RTEL1: variants seen among roughly 807,000 people sequenced by gnomAD.
RTEL1 encodes regulator of telomere elongation helicase 1.
Under a neutral mutation model 162.2 loss-of-function variants are expected in RTEL1, and 86 were observed. The observed-to-expected ratio is 0.53, with a 90% CI of 0.45 to 0.63. The LOEUF (loss-of-function observed/expected upper bound fraction) is 0.63, where lower values mean the gene tolerates loss of function less well. Among genes scored for constraint, RTEL1 ranks in the 30% least tolerant of loss-of-function variants. The probability of loss-of-function intolerance (pLI) is 0.00; values close to 1 mark genes in which losing one functional copy is unlikely to be tolerated. For missense variants in RTEL1, 1,941 were observed against 1,750.2 expected (o/e 1.11, Z -1.95); for synonymous variants, 958 against 717.9 (o/e 1.33, Z -5.35).
rs1041143095 is a variant in RTEL1 at position 63,681,380 on chromosome 20, T to C, written c.1191+661T>C. 3.0e-6 allele frequency: 3 copies of C among 985,010 alleles called. No homozygotes were observed. The Admixed American group carries it at 1.8e-4, about 61-fold the overall frequency. The allele number at this position is 985,010 out of a possible 1,614,324, so 61.0% of individuals were successfully genotyped here. ...CTCGGTGGCTTTTTTAGAAGCAGACTCAGAAGTCCCTGACTGGGGAAGCCA... is the reference window on the plus strand; with the variant it reads ...CTCGGTGGCTTTTTTAGAAGCAGACCCAGAAGTCCCTGACTGGGGAAGCCA... On this transcript the variant is annotated intron_variant, in intron 14 of 34. Coordinates refer to ENST00000360203, the MANE Select transcript of RTEL1 (RefSeq NM_001283009.2).
intron 14 of RTEL1, among the ~76,000 whole-genome samples, chr20:63,685,182 T>C (rs2090564225): frequency 6.6e-6 from 1 of 151,876 alleles, no homozygotes. Context: ...GCCACTGCAC[T>C]AGGCCATGTT....
intron 18 of RTEL1, 39 bp downstream of exon 18, chr20:63,688,089 G>A: frequency 6.2e-7 from 1 of 1,611,942 alleles, no homozygotes. Flanking sequence ...GGTGGGAGGT[G>A]GGGGAGCACT....
At chr20:63,693,405 A>G (rs1334837989) in intron 30 of RTEL1, 122 bp downstream of exon 30, 6 of 1,162,268 alleles carry the variant, frequency 5.2e-6, no homozygotes, top group Middle Eastern at 2.9e-4. Context: ...CTGTTCCCCT[A>G]TGGGAGTGAT....
At position 63,694,737 on chromosome 20, in the gene RTEL1, C is replaced by G. The variant is rs1417877726; in HGVS notation, c.3110-4C>G. The G allele has an allele frequency of 1.3e-6, 2 of 1,597,284 alleles. No individual in the cohort carries two copies. Among genetic ancestry groups the G allele is most frequent in the African/African-American group, 1.3e-5 (1 of 74,524 alleles). On this transcript the variant is annotated splice_region_variant and splice_polypyrimidine_tract_variant and intron_variant, in intron 31 of 34. Transcript: ENST00000360203. ...CACTCTGAGCCATGCTACTCCCACA[C>G]CAGGAGACCCTGGCAGCCAACCACA... is the stretch of plus-strand genomic sequence containing the variant.
At position 63,690,990 on chromosome 20, in the gene RTEL1, C is replaced by T. The variant is rs141976221; in HGVS notation, c.2556+43C>T. On this transcript the variant is annotated intron_variant, in intron 27 of 34. Transcript: ENST00000360203. ...TGGGATGGACACAGACCCTCTGTCT[C>T]CTGAGGCCAACCCGACCCCGCCCAT... 7.6e-4 allele frequency: 1,148 copies of T among 1,516,656 alleles called. 10 individuals carry two copies. In the African/African-American group the frequency reaches 0.014, roughly 19 times the overall value. 93.9% of individuals were successfully genotyped at this position (1,516,656 alleles called of 1,614,324 possible). A position where few individuals can be genotyped will look rare whatever the true frequency, so the allele number is the denominator to read the frequency against.
rs774178683 is a variant in RTEL1, at chr20:63,689,666, G to T, written c.2025+18G>T. ...GGGGCCAGGTGAGTTACAGCAGGGT[G>T]GGGCTGGGGTAAGGCGGTCTGGTGA... is the stretch of plus-strand genomic sequence containing the variant. On this transcript the variant is annotated intron_variant, in intron 23 of 34. Coordinates refer to ENST00000360203, the MANE Select transcript of RTEL1 (RefSeq NM_001283009.2). 6.2e-7 allele frequency: 1 copy of T among 1,609,374 alleles called. No individual in the cohort carries two copies. The highest frequency in any genetic ancestry group is 2.2e-5 in the East Asian group (1 of 44,832).
chr20:63,694,646 C>T (rs1029415054), intron 31 of RTEL1, 95 bp from the exon 32 acceptor site: 1 of 1,276,174 alleles, frequency 7.8e-7, no homozygotes, highest in Non-Finnish European at 1.1e-6. Context: ...TCCTGAGCAG[C>T]TCTCCAGGAG....
At chr20:63,675,125 G>A (rs926505494) in intron 10 of RTEL1, among the ~76,000 whole-genome samples, 4 of 151,964 alleles carry the variant, frequency 2.6e-5, no homozygotes, top group Non-Finnish European at 4.4e-5. Flanking sequence ...GGCTGGTCTC[G>A]AACTCCTGAC....
Position 63,659,318 on chromosome 20 carries a change from T to C in RTEL1, c.-85T>C, listed in dbSNP as rs1415962141. On this transcript the variant is annotated 5_prime_UTR_variant, in exon 2 of 35. Transcript: ENST00000360203. ...CGCTTACCAGGAGTGCCCGAGACCC[T>C]AAGATGTTCGGAGTGGTTTTTTCGC... 1 of 904,098 alleles carries C rather than the reference T, an allele frequency of 1.1e-6. No homozygotes were observed. The highest frequency in any genetic ancestry group is 1.8e-6 in the Non-Finnish European group (1 of 542,526). The allele number at this position is 904,098 out of a possible 1,614,324, so 56.0% of individuals were successfully genotyped here.
At position 63,688,001 on chromosome 20, in the gene RTEL1, G is replaced by A. The variant is rs748223349; in HGVS notation, c.1546G>A (p.Val516Ile). 26 of 1,612,658 alleles carry A rather than the reference G, an allele frequency of 1.6e-5. No individual in the cohort carries two copies. The highest frequency in any genetic ancestry group is 3.3e-5 in the Admixed American group (2 of 60,006). The part of the protein sequence containing the change: ...IDKHQIWVGV[V>I]PRGPDGAQLS... ...CAAGCACCAGATCTGGGTGGGGGTCGTCCCCAGAGGCCCCGATGGAGCCCA... is the reference window on the plus strand; with the variant it reads ...CAAGCACCAGATCTGGGTGGGGGTCATCCCCAGAGGCCCCGATGGAGCCCA... The change falls in exon 18 of 35, where the codon GTC becomes ATC. Residue 516 changes from valine to isoleucine, a missense_variant. By Grantham distance (29) the Val-to-Ile change is conservative. Coordinates refer to ENST00000360203, the MANE Select transcript of RTEL1 (RefSeq NM_001283009.2).
intron 10 of RTEL1, among the ~76,000 whole-genome samples, chr20:63,675,386 T>A (rs1747964903): frequency 6.6e-6 from 1 of 152,100 alleles, no homozygotes; most frequent in South Asian, 2.1e-4. Flanking sequence ...CCCTGGACCC[T>A]GGGGAGCCCC....
chr20:63,659,807 G>A (rs1172302235), intron 2 of RTEL1, among the ~76,000 whole-genome samples: 2 of 140,840 alleles, frequency 1.4e-5, no homozygotes, highest in African/African-American at 5.6e-5. Flanking sequence ...CCAGGGGACC[G>A]GCGCTCAGCA....
chr20:63,690,560 C>A, intron 26 of RTEL1, 119 bp downstream of exon 26: 1 of 1,310,606 alleles, frequency 7.6e-7, no homozygotes, highest in Non-Finnish European at 1.0e-6. Flanking sequence ...CTTCCCCTCC[C>A]ACCTCCAAAG....
chr20:63,680,163 A>G (rs1375138422), intron 13 of RTEL1, among the ~76,000 whole-genome samples: 1 of 152,180 alleles, frequency 6.6e-6, no homozygotes, highest in East Asian at 1.9e-4. Flanking sequence ...GCTTCGTCCT[A>G]CAGCCTCATC....
At chr20:63,680,996 G>A (rs1234477927) in intron 14 of RTEL1, 2 of 985,286 alleles carry the variant, frequency 2.0e-6, no homozygotes, top group South Asian at 4.7e-5. Context: ...AGCCGCTCCT[G>A]CCCTGTCCGG....
chr20:63,662,403 C>G, intron 4 of RTEL1, 143 bp from the exon 5 acceptor site: 1 of 1,531,810 alleles, frequency 6.5e-7, no homozygotes. Context: ...TAGCTCCCTC[C>G]TACGCCCGGG....
intron 14 of RTEL1, chr20:63,681,024 G>T (rs1011496763): frequency 2.7e-4 from 270 of 985,282 alleles, no homozygotes; most frequent in Admixed American, 2.5e-4. Context: ...GGCCAGGGGG[G>T]ACCCACTGCT....
At chr20:63,689,684 T>C (rs750532624) in intron 23 of RTEL1, 36 bp downstream of exon 23, 5 of 1,605,088 alleles carry the variant, frequency 3.1e-6, no homozygotes, top group Non-Finnish European at 4.3e-6. Context: ...GGTAAGGCGG[T>C]CTGGTGACTG....
At position 63,667,320 on chromosome 20, in the gene RTEL1, C is replaced by G. The variant is rs7261546; in HGVS notation, c.615-149C>G. The G allele has an allele frequency of 0.22, 150,415 of 685,916 alleles. 19,072 individuals carry two copies. Among genetic ancestry groups the G allele is most frequent in the Admixed American group, 0.37 (17,760 of 48,616 alleles). 42.5% of individuals were successfully genotyped at this position (685,916 alleles called of 1,614,324 possible). ...TCCCCATCCCTTGGTCAGAAACTCA[C>G]GTGGACTCCCATCCATCCCAGGCAG... is the stretch of plus-strand genomic sequence containing the variant. On this transcript the variant is annotated intron_variant, in intron 7 of 34. Transcript: ENST00000360203.
Sources: allele counts gnomAD v4.1 joint callset (sites outside exome capture counted in the v4.1 genomes callset), GRCh38; gene constraint gnomAD v4.1.1; transcripts MANE v1.5; gene names NCBI Gene and HGNC (gene_info 2026-07-23, HGNC 2026-07-21).